GRIK4: variants seen among roughly 807,000 people sequenced by gnomAD.
GRIK4 encodes glutamate ionotropic receptor kainate type subunit 4, also known as glutamate receptor ionotropic, kainate 4.
In GRIK4, 40 loss-of-function variants were observed where a neutral mutation model predicts 104.9. That is an observed-to-expected ratio of 0.38 (90% CI 0.30 to 0.50). The LOEUF (loss-of-function observed/expected upper bound fraction) is 0.50. GRIK4 is among the 20% of genes least tolerant of loss of function. The pLI is 0.93. For missense variants in GRIK4, 1,047 were observed against 1,308.1 expected (o/e 0.80, Z 3.08); for synonymous variants, 485 against 524.9 (o/e 0.92, Z 1.04).
chr11:120,743,469 G>A (rs1951376487), intron 3 of GRIK4, among the ~76,000 whole-genome samples: 1 of 152,164 alleles, frequency 6.6e-6, no homozygotes, highest in African/African-American at 2.4e-5. Flanking sequence ...GATAACTCTT[G>A]GGTACTGGGC....
chr11:120,689,149 G>A (rs567805797), intron 3 of GRIK4, among the ~76,000 whole-genome samples: 1 of 152,182 alleles, frequency 6.6e-6, no homozygotes, highest in Admixed American at 6.5e-5. Context: ...CAGGCAGAAG[G>A]AACAGGTTGA....
At chr11:120,686,108 A>G (rs11606521) in intron 3 of GRIK4, among the ~76,000 whole-genome samples, 7,257 of 152,174 alleles carry the variant, frequency 0.048, 351 homozygotes, top group African/African-American at 0.12. Context: ...ACCAAATGGG[A>G]TAATGTATGT....
chr11:120,889,588 C>CGT (rs776440015), intron 11 of GRIK4, among the ~76,000 whole-genome samples: 1 of 67,152 alleles, frequency 1.5e-5, no homozygotes. Context: ...AAAGAGCTTA[C>CGT]ATTTTTTTTT....
At chr11:120,724,579 A>C (rs1301980602) in intron 3 of GRIK4, among the ~76,000 whole-genome samples, 5 of 152,248 alleles carry the variant, frequency 3.3e-5, no homozygotes, top group Admixed American at 6.5e-5. Flanking sequence ...AGGACAGTCC[A>C]ACACAATGAA....
intron 8 of GRIK4, among the ~76,000 whole-genome samples, chr11:120,841,520 T>C (rs1294484489): frequency 1.3e-5 from 2 of 152,238 alleles, no homozygotes; most frequent in African/African-American, 2.4e-5. Context: ...CATTCATCGA[T>C]GGACACGTGG....
chr11:120,921,560 T>C (rs939517473), intron 13 of GRIK4, among the ~76,000 whole-genome samples: 6 of 151,970 alleles, frequency 3.9e-5, no homozygotes, highest in African/African-American at 1.4e-4. Flanking sequence ...AGGAGGTGGC[T>C]GCCCTCCCGC....
chr11:120,537,990 T>C (rs1947995833), intron 1 of GRIK4, among the ~76,000 whole-genome samples: 1 of 152,250 alleles, frequency 6.6e-6, no homozygotes, highest in Non-Finnish European at 1.5e-5. Context: ...TGTATGGCCA[T>C]GGCCAAGGTT....
chr11:120,756,315 C>G (rs1047616793), intron 3 of GRIK4, among the ~76,000 whole-genome samples: 8 of 152,174 alleles, frequency 5.3e-5, no homozygotes, highest in Non-Finnish European at 1.2e-4. Flanking sequence ...TGCTCTTGCC[C>G]CTCTGTGGAT....
chr11:120,693,576 G>C (rs777384952), intron 3 of GRIK4, among the ~76,000 whole-genome samples: 1 of 152,222 alleles, frequency 6.6e-6, no homozygotes, highest in Non-Finnish European at 1.5e-5. Context: ...CAGATACTGG[G>C]AAAGTCCTGG....
chr11:120,638,457 CCT>C (rs1949427193), intron 1 of GRIK4, among the ~76,000 whole-genome samples: 1 of 150,274 alleles, frequency 6.7e-6, no homozygotes, highest in African/African-American at 2.5e-5. Context: ...TGCTCTGCTA[CCT>C]CTCAATGATT....
intron 1 of GRIK4, among the ~76,000 whole-genome samples, chr11:120,620,859 A>G (rs1045447477): frequency 6.6e-6 from 1 of 152,186 alleles, no homozygotes; most frequent in Admixed American, 6.5e-5. Flanking sequence ...AACCCTTTGC[A>G]ATACGATCTC....
chr11:120,768,215 T>C (rs1375430811), intron 3 of GRIK4, among the ~76,000 whole-genome samples: 1 of 152,176 alleles, frequency 6.6e-6, no homozygotes, highest in African/African-American at 2.4e-5. Context: ...GTTTATCTTC[T>C]TCAATTTCTC....
At chr11:120,554,565 C>CT (rs547467947) in intron 1 of GRIK4, among the ~76,000 whole-genome samples, 6,551 of 146,026 alleles carry the variant, frequency 0.045, 162 homozygotes, top group East Asian at 0.096. Flanking sequence ...TTTTCTTTTT[C>CT]TTTTTTTTTT....
chr11:120,708,115 CAT>C (rs1033377379), intron 3 of GRIK4, among the ~76,000 whole-genome samples: 13 of 152,210 alleles, frequency 8.5e-5, no homozygotes, highest in African/African-American at 3.1e-4. Flanking sequence ...TTTAGGAAAA[CAT>C]AATACCATCT....
At chr11:120,690,204 C>G (rs1347655793) in intron 3 of GRIK4, among the ~76,000 whole-genome samples, 1 of 152,168 alleles carries the variant, frequency 6.6e-6, no homozygotes, top group African/African-American at 2.4e-5. Context: ...CCCTGTCGTC[C>G]TGGTGCGTGA....
chr11:120,935,533 C>G (rs1338637378), intron 13 of GRIK4, among the ~76,000 whole-genome samples: 3 of 152,132 alleles, frequency 2.0e-5, no homozygotes, highest in Non-Finnish European at 4.4e-5. Flanking sequence ...CTGGGCAAGA[C>G]AGAGCAAGAC....
chr11:120,887,057 T>C (rs1187568650), intron 11 of GRIK4, among the ~76,000 whole-genome samples: 1 of 152,252 alleles, frequency 6.6e-6, no homozygotes, highest in East Asian at 1.9e-4. Context: ...CTCTCATTCT[T>C]GGAAAGTTCT....
intron 1 of GRIK4, among the ~76,000 whole-genome samples, chr11:120,619,570 G>C (rs768948609): frequency 5.3e-5 from 8 of 152,174 alleles, no homozygotes; most frequent in Non-Finnish European, 1.0e-4. Flanking sequence ...TGTAATACCC[G>C]GTGTTGGAGG....
At chr11:120,834,509 C>T (rs544576187) in intron 7 of GRIK4, among the ~76,000 whole-genome samples, 50 of 152,316 alleles carry the variant, frequency 3.3e-4, no homozygotes, top group Non-Finnish European at 4.9e-4. Flanking sequence ...GGCAGGCAGG[C>T]GTTCCATCAG....
Sources: allele counts gnomAD v4.1 joint callset (sites outside exome capture counted in the v4.1 genomes callset), GRCh38; gene constraint gnomAD v4.1.1; transcripts MANE v1.5; gene names NCBI Gene and HGNC (gene_info 2026-07-23, HGNC 2026-07-21).